ABHD4: variants seen among roughly 807,000 people sequenced by gnomAD.
ABHD4 encodes the protein (Lyso)-N-acylphosphatidylethanolamine lipase.
A neutral mutation model predicts 42.3 loss-of-function variants in ABHD4; 35 were observed. The ratio of observed to expected loss-of-function variants is 0.83; its 90% CI spans 0.63 to 1.10. The LOEUF is 1.10. Among genes scored for constraint, ABHD4 ranks in the 50% least tolerant of loss-of-function variants. ABHD4 has a pLI of 0.00. For missense variants in ABHD4, 389 were observed against 454.8 expected, an observed-to-expected ratio of 0.86 and a Z score of 1.32; for synonymous variants, 169 against 170.6, an observed-to-expected ratio of 0.99 and a Z score of 0.07.
chr14:22,603,042 G>C (rs1347964370), intron 2 of ABHD4, among the ~76,000 whole-genome samples: 1 of 152,146 alleles, frequency 6.6e-6, no homozygotes, highest in Non-Finnish European at 1.5e-5. Flanking sequence ...GAAGGTCAAA[G>C]GTGAGGGATG....
At chr14:22,604,844 T>TA (rs1227656999) in intron 4 of ABHD4, among the ~76,000 whole-genome samples, 1 of 152,040 alleles carries the variant, frequency 6.6e-6, no homozygotes, top group African/African-American at 2.4e-5. Context: ...TCCTAGCCTC[T>TA]AGTGATCCAT....
rs1435692824 is a variant in ABHD4 at position 22,610,881 on chromosome 14, A to T, written c.962A>T (p.His321Leu). 1 of 1,614,036 alleles carries T rather than the reference A, an allele frequency of 6.2e-7. No individual in the cohort carries two copies. The highest frequency in any genetic ancestry group is 1.3e-5 in the African/African-American group (1 of 74,928). ...RDMEIKGASH[H>L]VYADQPHIFN... ...CAGGAGATTAAGGGTGCCTCCCACC[A>T]TGTCTATGCTGACCAGCCACACATC... Residue 321 changes from histidine to leucine, a missense_variant, in exon 7 of 7, where the codon CAT becomes CTT. By Grantham distance (99) the His-to-Leu change is moderately conservative. Around this residue, in one of 3 missense-constraint regions of ABHD4, gnomAD observed 249 missense variants for 254.4 expected, o/e 0.98. Coordinates refer to ENST00000428304, the MANE Select transcript of ABHD4 (RefSeq NM_022060.3).
At chr14:22,598,440 C>G in intron 1 of ABHD4, 111 bp downstream of exon 1, 1 of 1,546,972 alleles carries the variant, frequency 6.5e-7, no homozygotes, top group Non-Finnish European at 8.7e-7. Flanking sequence ...CTTCCTTTTC[C>G]AGGTCGGCCT....
chr14:22,601,505 T>TA (rs1361939218), intron 1 of ABHD4, among the ~76,000 whole-genome samples, 162 bp from the exon 2 acceptor site: 1 of 152,178 alleles, frequency 6.6e-6, no homozygotes, highest in African/African-American at 2.4e-5. Flanking sequence ...AGAAACAATC[T>TA]ATCAGGTAGC....
chr14:22,606,641 A>G, intron 5 of ABHD4, 108 bp downstream of exon 5: 1 of 758,988 alleles, frequency 1.3e-6, no homozygotes. Context: ...GCTCTGACTC[A>G]GTTAGGTAAA....
At position 22,605,378 on chromosome 14, in the gene ABHD4, A is replaced by G. The variant is rs1443952229; in HGVS notation, c.641-1044A>G. 3.3e-5 allele frequency among the ~76,000 whole-genome samples: 5 copies of G among 152,222 alleles called. 1 individual carries two copies. The highest frequency in any genetic ancestry group is 5.9e-5 in the Non-Finnish European group (4 of 68,026). On this transcript the variant is annotated intron_variant, in intron 4 of 6. Coordinates refer to ENST00000428304, the MANE Select transcript of ABHD4 (RefSeq NM_022060.3). The stretch of plus-strand genomic sequence containing the variant: ...TTCAATAGCCAATTATTATGAGTTA[A>G]TTGCTGATGGCTAAGTAAGAGTTAT...
intron 1 of ABHD4, among the ~76,000 whole-genome samples, 180 bp from the exon 2 acceptor site, chr14:22,601,487 T>C (rs1293032868): frequency 1.3e-5 from 2 of 152,232 alleles, no homozygotes; most frequent in African/African-American, 4.8e-5. Flanking sequence ...AATACCCATT[T>C]ACCAAAAAGA....
rs2037303530 is a variant in ABHD4 at position 22,602,956 on chromosome 14, GAT to G, written c.113-431_113-430del. Among the ~76,000 whole-genome samples, 3 of 152,206 alleles carry G rather than the reference GAT, an allele frequency of 2.0e-5. No individual in the cohort carries two copies. In the South Asian group the frequency reaches 6.2e-4, roughly 32 times the overall value. ...TCAGTGGATAGAAAATTGCTGAGGAGATATCAAAGATAAAGGGAGATATCAAA... is the reference window on the plus strand; with the variant it reads ...TCAGTGGATAGAAAATTGCTGAGGAGATCAAAGATAAAGGGAGATATCAAA... On this transcript the variant is annotated intron_variant, in intron 2 of 6. Transcript: ENST00000428304.
In ABHD4 at chr14:22,610,897, G is replaced by A. The variant is rs1566386134; in HGVS notation, c.978G>A (p.Gln326=). 2 of 1,614,124 alleles carry A rather than the reference G, an allele frequency of 1.2e-6. No homozygotes were observed. The highest frequency in any genetic ancestry group is 1.7e-6 in the Non-Finnish European group (2 of 1,180,034). ...CCTCCCACCATGTCTATGCTGACCA[G>A]CCACACATCTTCAATGCTGTGGTGG... ...KGASHHVYAD[Q]PHIFNAVVEE... is the part of the protein sequence containing the mutation. Residue 326 remains glutamine (Q), a synonymous_variant, in exon 7 of 7, where the codon CAG becomes CAA. Coordinates refer to ENST00000428304, the MANE Select transcript of ABHD4 (RefSeq NM_022060.3).
At chr14:22,605,761 AC>A (rs2037342186) in intron 4 of ABHD4, 2 of 1,261,786 alleles carry the variant, frequency 1.6e-6, no homozygotes, top group East Asian at 1.1e-4. Context: ...GCCCCTTCTT[AC>A]CTCCCTCTTG....
intron 1 of ABHD4, chr14:22,598,818 C>A: frequency 2.7e-5 from 6 of 220,482 alleles, no homozygotes; most frequent in South Asian, 1.3e-4. Context: ...TGTGGAACAA[C>A]GGGCTTGCAA....
intron 5 of ABHD4, among the ~76,000 whole-genome samples, chr14:22,606,950 G>C (rs1566383952): frequency 6.6e-6 from 1 of 151,974 alleles, no homozygotes; most frequent in East Asian, 1.9e-4. Flanking sequence ...TCCTGTCCCG[G>C]GCCTGTAGTC....
At chr14:22,610,240 A>G (rs575358242) in intron 6 of ABHD4, among the ~76,000 whole-genome samples, 42 of 152,234 alleles carry the variant, frequency 2.8e-4, no homozygotes, top group African/African-American at 9.2e-4. Context: ...TATTTTTAGT[A>G]GAGACGAGGT....
rs765542503 is a variant in ABHD4 at position 22,609,833 on chromosome 14, G to A, written c.862G>A (p.Gly288Arg). Reference sequence around the variant, plus strand: ...AGATGTGCCTATCACTATGATCTACGGGTCCGACACCTGGATAGATACCAG... The same window carrying A: ...AGATGTGCCTATCACTATGATCTACAGGTCCGACACCTGGATAGATACCAG... ...RKDVPITMIY[G>R]SDTWIDTSTG... The change falls in exon 6 of 7, where the codon GGG becomes AGG. Residue 288 changes from glycine to arginine, a missense_variant. Coordinates refer to ENST00000428304, the MANE Select transcript of ABHD4 (RefSeq NM_022060.3). 23 of 1,613,990 alleles carry A rather than the reference G, an allele frequency of 1.4e-5. No homozygotes were observed. Among genetic ancestry groups the A allele is most frequent in the Admixed American group, 8.3e-5 (5 of 59,974 alleles).
chr14:22,610,019 T>C lies in ABHD4; in HGVS notation c.939+109T>C, dbSNP rs1445066136. 4.0e-6 allele frequency: 4 copies of C among 1,010,400 alleles called. No homozygotes were observed. The Admixed American group carries it at 1.1e-4, about 29-fold the overall frequency. 62.6% of individuals were successfully genotyped at this position (1,010,400 alleles called of 1,614,324 possible). On this transcript the variant is annotated intron_variant, in intron 6 of 6. Transcript: ENST00000428304. ...AGAAAGAGGAATGGACAGACTGAGA[T>C]AGAGCAGTAGATTTGAGAAGTTTGG...
intron 4 of ABHD4, among the ~76,000 whole-genome samples, chr14:22,606,217 T>C (rs2037347407): frequency 6.6e-6 from 1 of 152,216 alleles, no homozygotes; most frequent in Non-Finnish European, 1.5e-5. Context: ...TCTCTGGTAA[T>C]GAGCTGACTT....
chr14:22,609,820 C>G lies in ABHD4; in HGVS notation c.849C>G (p.Ile283Met), dbSNP rs1229095439. ...ACTTGATTCGAAAAGATGTGCCTAT[C>G]ACTATGATCTACGGGTCCGACACCT... ...RIHLIRKDVPITMIYGSDTWI... is the reference protein window; with the variant it reads ...RIHLIRKDVPMTMIYGSDTWI... The change falls in exon 6 of 7, where the codon ATC (isoleucine) becomes ATG (methionine). Residue 283 changes from isoleucine (I) to methionine (M), a missense_variant. Physicochemically the swap from Ile to Met is conservative, Grantham distance 10 (BLOSUM62 1). Coordinates refer to ENST00000428304, the MANE Select transcript of ABHD4 (RefSeq NM_022060.3). 6.2e-7 allele frequency: 1 copy of G among 1,614,120 alleles called. No homozygotes were observed. Among genetic ancestry groups the G allele is most frequent in the Non-Finnish European group, 8.5e-7 (1 of 1,180,024 alleles).
At position 22,603,595 on chromosome 14, in the gene ABHD4, G is replaced by A; in HGVS notation, c.318G>A (p.Gly106=). 6.2e-7 allele frequency: 1 copy of A among 1,614,164 alleles called. No homozygotes were observed. The part of the protein sequence containing the change: ...TLHTFDLLGF[G]RSSRPAFPRD... ...ACACCTTCGATCTGCTTGGCTTCGG[G>A]CGAAGCTCAAGGCCAGCATTCCCAA... Residue 106 remains glycine (G), a synonymous_variant, in exon 3 of 7, where the codon GGG becomes GGA. Transcript: ENST00000428304.
intron 5 of ABHD4, among the ~76,000 whole-genome samples, chr14:22,606,960 C>T (rs2037356955): frequency 6.6e-6 from 1 of 151,960 alleles, no homozygotes; most frequent in South Asian, 2.1e-4. Context: ...GGCCTGTAGT[C>T]CCTACATTTC....
Sources: gnomAD v4.1 joint callset for allele counts (sites outside exome capture counted in the v4.1 genomes callset) on GRCh38, gnomAD v4.1.1 for gene constraint, gnomAD v4.1.1 regional missense constraint, MANE v1.5 for transcripts, NCBI Gene and HGNC (gene_info 2026-07-23, HGNC 2026-07-21) for gene names.